Variants in KTN1 observed in about 807,000 individuals in gnomAD.
KTN1 encodes the protein kinectin 1.
Under a neutral mutation model 222.5 loss-of-function variants are expected in KTN1, and 130 were observed. The ratio of observed to expected loss-of-function variants is 0.58; its 90% CI spans 0.51 to 0.68. The LOEUF is 0.68. Ranked by LOEUF, KTN1 falls within the 30% of genes least tolerant of loss-of-function variation. KTN1 has a pLI of 0.00. For synonymous variants in KTN1, 512 were observed against 496.3 expected (o/e 1.03, Z -0.42); for missense variants, 1,508 against 1,500.4 (o/e 1.01, Z -0.08).
chr14:55,625,057 G>A (rs2039632933), intron 5 of KTN1, among the ~76,000 whole-genome samples: 1 of 152,134 alleles, frequency 6.6e-6, no homozygotes, highest in South Asian at 2.1e-4. Flanking sequence ...CCTTGTATTC[G>A]AGTTATGAGG....
intron 18 of KTN1, among the ~76,000 whole-genome samples, chr14:55,642,655 C>T (rs1241711013): frequency 4.6e-5 from 7 of 152,118 alleles, no homozygotes; most frequent in Non-Finnish European, 1.0e-4. Context: ...CAAATGCATG[C>T]GTTCTTTCAT....
intron 29 of KTN1, among the ~76,000 whole-genome samples, chr14:55,657,397 G>GTTTTTTTTTTTTGTTTTTTTTTT (rs1555383525): frequency 1.5e-5 from 2 of 137,668 alleles, no homozygotes; most frequent in African/African-American, 5.5e-5. Context: ...CTGAGTTGAC[G>GTTTTTTTTTTTTGTTTTTTTTTT]TTTTTTTTTT....
At chr14:55,589,596 C>T (rs1344832741) in intron 1 of KTN1, among the ~76,000 whole-genome samples, 1 of 151,838 alleles carries the variant, frequency 6.6e-6, no homozygotes, top group Non-Finnish European at 1.5e-5. Flanking sequence ...AGGCATGAGC[C>T]ACCATGCTGG....
chr14:55,622,400 A>T (rs1292704103), intron 5 of KTN1, among the ~76,000 whole-genome samples: 1 of 152,136 alleles, frequency 6.6e-6, no homozygotes, highest in Non-Finnish European at 1.5e-5. Flanking sequence ...CTGATGTTTT[A>T]AAAAAATTGT....
intron 1 of KTN1, among the ~76,000 whole-genome samples, chr14:55,608,083 G>A (rs1350276459): frequency 6.6e-6 from 1 of 152,048 alleles, no homozygotes; most frequent in African/African-American, 2.4e-5. Flanking sequence ...TAATGACCTG[G>A]TTCTTATTAC....
chr14:55,596,396 T>C (rs2035048246), intron 1 of KTN1, among the ~76,000 whole-genome samples: 1 of 152,152 alleles, frequency 6.6e-6, no homozygotes, highest in Non-Finnish European at 1.5e-5. Context: ...ACTTGAAATG[T>C]AGGATCATGG....
chr14:55,644,472 A>T (rs917631259), intron 18 of KTN1: 2 of 691,802 alleles, frequency 2.9e-6, no homozygotes, highest in Non-Finnish European at 5.3e-6. Context: ...ACCCTAAAGG[A>T]GGGAAGGCTG....
chr14:55,657,610 C>T (rs59821184), intron 29 of KTN1, among the ~76,000 whole-genome samples: 3,590 of 151,920 alleles, frequency 0.024, 122 homozygotes, highest in African/African-American at 0.078. Flanking sequence ...TATCTCTCTA[C>T]GATCATAAAA....
In KTN1 at chr14:55,679,730, T is replaced by C. The variant is rs756279530; in HGVS notation, c.4069+45T>C. On this transcript the variant is annotated intron_variant, in intron 43 of 43. Transcript: ENST00000395314. The stretch of plus-strand genomic sequence containing the variant: ...TGCTGTCTATGGGTAATTGATGTTA[T>C]GTGTCTGTGTAATGTGTATTTACAT... The C allele has an allele frequency of 6.3e-6, 10 of 1,582,192 alleles. No homozygotes were observed. The South Asian group carries it at 1.0e-4, about 16-fold the overall frequency.
chr14:55,582,369 T>C (rs572592243), intron 1 of KTN1, among the ~76,000 whole-genome samples: 1 of 152,300 alleles, frequency 6.6e-6, no homozygotes, highest in African/African-American at 2.4e-5. Flanking sequence ...TTAATAATTA[T>C]ATTTTTAATA....
At chr14:55,646,854 C>A (rs2042416648) in intron 18 of KTN1, 119 bp from the exon 19 acceptor site, 1 of 667,708 alleles carries the variant, frequency 1.5e-6, no homozygotes. Flanking sequence ...AAGTTATTGT[C>A]CTAAATTTTG....
At position 55,656,147 on chromosome 14, in the gene KTN1, T is replaced by G; in HGVS notation, c.2892+15T>G. On this transcript the variant is annotated intron_variant, in intron 29 of 43. Coordinates refer to ENST00000395314, the MANE Select transcript of KTN1 (RefSeq NM_001079521.2). Reference sequence around the variant, plus strand: ...AGCTGTTACAGGTGAATATGGTGACTTAAAATTAATTATTTTGTAAATTAT... The same window carrying G: ...AGCTGTTACAGGTGAATATGGTGACGTAAAATTAATTATTTTGTAAATTAT... The G allele has an allele frequency of 6.7e-7, 1 of 1,482,648 alleles. No homozygotes were observed. The highest frequency in any genetic ancestry group is 2.3e-5 in the East Asian group (1 of 43,742). The allele number at this position is 1,482,648 out of a possible 1,614,324, so 91.8% of individuals were successfully genotyped here.
chr14:55,641,232 C>T (rs762302180), intron 17 of KTN1, 24 bp downstream of exon 17: 1 of 1,406,882 alleles, frequency 7.1e-7, no homozygotes, highest in Admixed American at 2.2e-5. Context: ...CTTGTACACT[C>T]AGGTTTCTTA....
In KTN1 at chr14:55,618,121, C is replaced by A; in HGVS notation, c.819C>A (p.Thr273=). ...AATCTGGGACTAAAAAACTGAAGACCGAAACTGACAAAGGTAATATATGGG... is the reference window on the plus strand; with the variant it reads ...AATCTGGGACTAAAAAACTGAAGACAGAAACTGACAAAGGTAATATATGGG... ...IQKSGTKKLK[T]ETDKENAEVK... Residue 273 remains threonine, a synonymous_variant, in exon 4 of 44, where the codon ACC becomes ACA. Transcript: ENST00000395314. The A allele has an allele frequency of 6.2e-7, 1 of 1,610,086 alleles. No homozygotes were observed. The highest frequency in any genetic ancestry group is 1.1e-5 in the South Asian group (1 of 90,508).
chr14:55,614,354 A>C (rs993909176), intron 2 of KTN1, among the ~76,000 whole-genome samples: 1 of 152,214 alleles, frequency 6.6e-6, no homozygotes, highest in African/African-American at 2.4e-5. Context: ...TGTAGGCCTG[A>C]ACTATGGTAG....
intron 1 of KTN1, among the ~76,000 whole-genome samples, chr14:55,584,389 C>T (rs756863176): frequency 1.3e-5 from 2 of 152,134 alleles, no homozygotes; most frequent in Non-Finnish European, 2.9e-5. Context: ...TGTTTGAGGG[C>T]AAGGGGAAGA....
intron 1 of KTN1, among the ~76,000 whole-genome samples, chr14:55,604,011 A>G (rs2036367223): frequency 6.6e-6 from 1 of 152,016 alleles, no homozygotes; most frequent in Non-Finnish European, 1.5e-5. Context: ...TTCAGTTGTC[A>G]CCTAACAGTT....
chr14:55,586,284 G>A (rs74609892), intron 1 of KTN1, among the ~76,000 whole-genome samples: 9,187 of 152,242 alleles, frequency 0.06, 381 homozygotes, highest in South Asian at 0.09. Context: ...ACCACTTACT[G>A]CATGTGTGAT....
At chr14:55,627,386 A>G (rs1409676216) in intron 5 of KTN1, among the ~76,000 whole-genome samples, 1 of 152,128 alleles carries the variant, frequency 6.6e-6, no homozygotes, top group Non-Finnish European at 1.5e-5. Context: ...TTGACCCAAG[A>G]ACACTTGATG....
Sources: allele counts gnomAD v4.1 joint callset (sites outside exome capture counted in the v4.1 genomes callset), GRCh38; gene constraint gnomAD v4.1.1; transcripts MANE v1.5; gene names NCBI Gene and HGNC (gene_info 2026-07-23, HGNC 2026-07-21).